Variants in XKR6 observed in about 807,000 individuals in gnomAD.
XKR6 encodes the protein XK related 6.
In XKR6, 22 loss-of-function variants were observed where a neutral mutation model predicts 56.7. The observed-to-expected ratio is 0.39, with a 90% CI of 0.28 to 0.55. The LOEUF is 0.55. Ranked by LOEUF, XKR6 falls within the 20% of genes least tolerant of loss-of-function variation. The pLI is 0.66. For synonymous variants in XKR6, 524 were observed against 387.8 expected (o/e 1.35, Z -4.13); for missense variants, 852 against 889.0 (o/e 0.96, Z 0.53).
At chr8:11,095,287 C>G (rs1280168989) in intron 1 of XKR6, among the ~76,000 whole-genome samples, 1 of 152,198 alleles carries the variant, frequency 6.6e-6, no homozygotes, top group Admixed American at 6.5e-5. Flanking sequence ...ATATATCAAA[C>G]AGCAATGAAT....
intron 1 of XKR6, among the ~76,000 whole-genome samples, chr8:11,025,671 C>T (rs140464307): frequency 6.6e-6 from 1 of 152,306 alleles, no homozygotes; most frequent in East Asian, 1.9e-4. Context: ...TCATGAGTTA[C>T]GATTTGTTAA....
At chr8:11,156,786 C>T (rs1801542683) in intron 1 of XKR6, among the ~76,000 whole-genome samples, 1 of 152,014 alleles carries the variant, frequency 6.6e-6, no homozygotes, top group African/African-American at 2.4e-5. Context: ...AAATACTCCC[C>T]AGTCCAGGAG....
chr8:11,013,841 C>T (rs947799579), intron 1 of XKR6, among the ~76,000 whole-genome samples: 14 of 152,230 alleles, frequency 9.2e-5, no homozygotes, highest in Non-Finnish European at 1.3e-4. Flanking sequence ...GTCCTGGGAC[C>T]TCTTGAGTCA....
intron 1 of XKR6, among the ~76,000 whole-genome samples, chr8:11,091,367 G>C (rs1016559293): frequency 2.0e-5 from 3 of 151,860 alleles, no homozygotes; most frequent in Admixed American, 6.6e-5. Flanking sequence ...GAGCCTGGGA[G>C]GTGGAGGCTG....
At chr8:11,107,375 A>AT (rs1363632135) in intron 1 of XKR6, among the ~76,000 whole-genome samples, 3 of 151,658 alleles carry the variant, frequency 2.0e-5, no homozygotes, top group African/African-American at 4.8e-5. Flanking sequence ...GATTTTTTTT[A>AT]TTTTTTGTAG....
At chr8:11,057,452 G>A (rs1473448281) in intron 1 of XKR6, among the ~76,000 whole-genome samples, 3 of 152,236 alleles carry the variant, frequency 2.0e-5, no homozygotes, top group Non-Finnish European at 4.4e-5. Context: ...GACGAGAAGT[G>A]ACATTTGTCC....
At chr8:11,153,483 T>C (rs916686766) in intron 1 of XKR6, among the ~76,000 whole-genome samples, 1 of 152,244 alleles carries the variant, frequency 6.6e-6, no homozygotes. Flanking sequence ...ATAAAGTCAA[T>C]ATAAAAGTAA....
At chr8:11,035,969 G>C (rs1038147197) in intron 1 of XKR6, among the ~76,000 whole-genome samples, 2 of 137,480 alleles carry the variant, frequency 1.5e-5, no homozygotes, top group Non-Finnish European at 3.1e-5. Context: ...TTTGAGGCAG[G>C]ATCTTGCTCT....
chr8:11,035,067 CT>C (rs1200901813), intron 1 of XKR6: 1 of 410,494 alleles, frequency 2.4e-6, no homozygotes, highest in Non-Finnish European at 5.1e-6. Context: ...CTGATTCTTT[CT>C]GAGCTTCGGT....
chr8:10,898,272 A>T lies in XKR6; in HGVS notation c.1606T>A (p.Tyr536Asn). The T allele has an allele frequency of 6.2e-7, 1 of 1,614,070 alleles. No individual in the cohort carries two copies. The highest frequency in any genetic ancestry group is 8.5e-7 in the Non-Finnish European group (1 of 1,179,988). Residue 536 changes from tyrosine (Y) to asparagine (N), a missense_variant, in exon 3 of 3, where the codon TAC becomes AAC. Transcript: ENST00000416569. The surrounding 1 kb of genome is among the most constrained non-coding windows in gnomAD (Gnocchi z 6.6). ...GTGGGCGTAACCTGGGTCCCCCGGT[A>T]CCCAGGGATCTCAGGCGCCATGGGC... ...VEPMAPEIPG[Y>N]RGTQVTPTRA...
chr8:10,936,063 G>T (rs963973282), intron 1 of XKR6, among the ~76,000 whole-genome samples: 2 of 150,512 alleles, frequency 1.3e-5, no homozygotes, highest in Non-Finnish European at 3.0e-5. Context: ...CTCAGGACTT[G>T]CTTTATGAAT....
Position 11,091,969 on chromosome 8 carries a change from T to G in XKR6, c.764+108607A>C, listed in dbSNP as rs548833088. Among the ~76,000 whole-genome samples, 12 of 152,346 alleles carry G rather than the reference T, an allele frequency of 7.9e-5. 1 individual carries two copies. The highest frequency in any genetic ancestry group is 2.9e-4 in the African/African-American group (12 of 41,588). ...TATACAGATCCACCACAATCTCTTATGCAAAAACCCTGCGGTTCAGAATTT... is the reference window on the plus strand; with the variant it reads ...TATACAGATCCACCACAATCTCTTAGGCAAAAACCCTGCGGTTCAGAATTT... On this transcript the variant is annotated intron_variant, in intron 1 of 2. Coordinates refer to ENST00000416569, the MANE Select transcript of XKR6 (RefSeq NM_173683.4).
At chr8:10,986,922 T>A (rs1053980246) in intron 1 of XKR6, among the ~76,000 whole-genome samples, 2 of 151,440 alleles carry the variant, frequency 1.3e-5, no homozygotes, top group Non-Finnish European at 2.9e-5. Flanking sequence ...AGGTGTGCAC[T>A]ACCATGCCTG....
At chr8:11,123,564 C>A (rs1187782289) in intron 1 of XKR6, 1 of 270,006 alleles carries the variant, frequency 3.7e-6, no homozygotes, top group African/African-American at 2.2e-5. Context: ...CAAACTGGAA[C>A]TAATAGAAAT....
intron 1 of XKR6, among the ~76,000 whole-genome samples, chr8:11,103,576 G>A (rs1327854391): frequency 1.3e-5 from 2 of 152,128 alleles, no homozygotes; most frequent in Non-Finnish European, 2.9e-5. Flanking sequence ...GGTTTCTAAG[G>A]TCAAAATGGG....
At chr8:11,145,212 T>C (rs1158759952) in intron 1 of XKR6, among the ~76,000 whole-genome samples, 1 of 152,170 alleles carries the variant, frequency 6.6e-6, no homozygotes, top group Non-Finnish European at 1.5e-5. Context: ...TTCAGATATC[T>C]ACATCATGCT....
At chr8:11,058,664 A>C (rs1170080375) in intron 1 of XKR6, among the ~76,000 whole-genome samples, 1 of 152,152 alleles carries the variant, frequency 6.6e-6, no homozygotes, top group African/African-American at 2.4e-5. Flanking sequence ...CGGGAGGGGA[A>C]CATCACACAC....
At chr8:11,091,805 G>A (rs745611654) in intron 1 of XKR6, among the ~76,000 whole-genome samples, 19 of 152,148 alleles carry the variant, frequency 1.2e-4, no homozygotes, top group Non-Finnish European at 2.1e-4. Context: ...AATCCATCCT[G>A]CCCATGGGAC....
intron 1 of XKR6, among the ~76,000 whole-genome samples, chr8:11,005,071 C>T (rs762490524): frequency 1.3e-5 from 2 of 152,032 alleles, no homozygotes; most frequent in Non-Finnish European, 2.9e-5. Flanking sequence ...TCAGTGGATG[C>T]CTGAAACCAC....
Sources: gnomAD v4.1 joint callset for allele counts (sites outside exome capture counted in the v4.1 genomes callset) on GRCh38, gnomAD v4.1.1 for gene constraint, Gnocchi (gnomAD v3.1) non-coding constraint, MANE v1.5 for transcripts, NCBI Gene and HGNC (gene_info 2026-07-23, HGNC 2026-07-21) for gene names.